The following BPIFB1 variants were observed in gnomAD, a reference collection of about 807,000 sequenced individuals.
The protein encoded by BPIFB1 is BPI fold-containing family B member 1.
In BPIFB1, 34 loss-of-function variants were observed where a neutral mutation model predicts 55.1. That is an observed-to-expected ratio of 0.62 (90% CI 0.47 to 0.82). BPIFB1 has a LOEUF of 0.82. Ranked by LOEUF, BPIFB1 falls within the 40% of genes least tolerant of loss-of-function variation. The probability of loss-of-function intolerance (pLI) is 0.00; values close to 1 mark genes in which losing one functional copy is unlikely to be tolerated. For synonymous variants in BPIFB1, 236 were observed against 245.3 expected (o/e 0.96, Z 0.35); for missense variants, 532 against 593.1 (o/e 0.90, Z 1.07).
At chr20:33,291,881 G>A (rs1440581173) in intron 5 of BPIFB1, 26 bp from the exon 6 acceptor site, 3 of 1,601,446 alleles carry the variant, frequency 1.9e-6, no homozygotes, top group Non-Finnish European at 1.7e-6. Flanking sequence ...CCTTCCTAAT[G>A]TCTCTCGTGC....
At chr20:33,283,723 C>A (rs943108003) in intron 1 of BPIFB1, among the ~76,000 whole-genome samples, 2 of 151,822 alleles carry the variant, frequency 1.3e-5, no homozygotes, top group Non-Finnish European at 2.9e-5. Flanking sequence ...GGCGATTGGG[C>A]AAAGGAGGAG....
chr20:33,290,021 G>A (rs4507167), intron 4 of BPIFB1, 29 bp downstream of exon 4: 3 of 1,534,612 alleles, frequency 2.0e-6, no homozygotes, highest in African/African-American at 2.7e-5. Flanking sequence ...AAGTACAGTA[G>A]GCTTGACAGG....
rs1479117263 is a variant in BPIFB1 at position 33,288,874 on chromosome 20, C to T, written c.249C>T (p.His83=). 6.2e-6 allele frequency: 10 copies of T among 1,613,246 alleles called. No homozygotes were observed. Among genetic ancestry groups the T allele is most frequent in the African/African-American group, 1.3e-5 (1 of 74,920 alleles). Residue 83 remains histidine, a synonymous_variant, in exon 3 of 16, where the codon CAC becomes CAT. Coordinates refer to ENST00000253354, the MANE Select transcript of BPIFB1 (RefSeq NM_033197.3). ...GCCTGGTGAACACCGTCCTGAAGCACATCATCTGGTGAGTGGAGCAGGACC... is the reference window on the plus strand; with the variant it reads ...GCCTGGTGAACACCGTCCTGAAGCATATCATCTGGTGAGTGGAGCAGGACC... ...LGSLVNTVLK[H]IIWLKVITAN... is the part of the protein sequence containing the mutation.
In BPIFB1 at chr20:33,286,201, C is replaced by T; in HGVS notation, c.115+13C>T. On this transcript the variant is annotated intron_variant, in intron 2 of 15. Transcript: ENST00000253354. Reference sequence around the variant, plus strand: ...GTCATCAAAGAAAGTAAGTTTTGTCCCTCCGGAGCTGGCTGCCATAAGACA... The same window carrying T: ...GTCATCAAAGAAAGTAAGTTTTGTCTCTCCGGAGCTGGCTGCCATAAGACA... 2 of 1,611,978 alleles carry T rather than the reference C, an allele frequency of 1.2e-6. No individual in the cohort carries two copies. The highest frequency in any genetic ancestry group is 4.5e-5 in the East Asian group (2 of 44,870).
chr20:33,304,173 C>A, intron 12 of BPIFB1, 148 bp downstream of exon 12: 1 of 693,770 alleles, frequency 1.4e-6, no homozygotes, highest in South Asian at 1.7e-5. Flanking sequence ...CTCCTGCTGA[C>A]AAGGACTGCA....
chr20:33,285,304 G>A (rs1372436240), intron 1 of BPIFB1, among the ~76,000 whole-genome samples: 2 of 152,090 alleles, frequency 1.3e-5, no homozygotes, highest in Non-Finnish European at 2.9e-5. Flanking sequence ...AAAGCAGGAG[G>A]TGAGGTCAGC....
intron 6 of BPIFB1, among the ~76,000 whole-genome samples, chr20:33,292,478 C>T (rs1247256329): frequency 6.6e-6 from 1 of 151,998 alleles, no homozygotes. Context: ...GGAAGCAATG[C>T]GTTTTAAATT....
intron 15 of BPIFB1, among the ~76,000 whole-genome samples, chr20:33,308,786 CACAT>C (rs1158477942): frequency 2.0e-5 from 3 of 148,868 alleles, no homozygotes; most frequent in South Asian, 2.1e-4. Context: ...TACACACACA[CACAT>C]AATACACACA....
chr20:33,292,068 A>G, intron 6 of BPIFB1, 80 bp downstream of exon 6: 1 of 1,245,248 alleles, frequency 8.0e-7, no homozygotes, highest in Non-Finnish European at 1.2e-6. Context: ...GTTGGTGCTA[A>G]GTGACTGGAG....
In BPIFB1 at chr20:33,302,848, CCA is replaced by C. The variant is rs148318398; in HGVS notation, c.982-61_982-60del. On this transcript the variant is annotated intron_variant, in intron 10 of 15. Coordinates refer to ENST00000253354, the MANE Select transcript of BPIFB1 (RefSeq NM_033197.3). ...CCCAGGAAGGCAGGCAGGGGCCAGG[CCA>C]CACACAGAGCCTGTGGGCCATGGTG... 6,511 of 1,578,696 alleles carry C rather than the reference CCA, an allele frequency of 4.1e-3. 246 individuals carry two copies. In the African/African-American group the frequency reaches 0.077, roughly 19 times the overall value.
chr20:33,297,419 G>A (rs1980688736), intron 6 of BPIFB1, 106 bp from the exon 7 acceptor site: 1 of 1,240,120 alleles, frequency 8.1e-7, no homozygotes, highest in Non-Finnish European at 1.2e-6. Flanking sequence ...CTGGCCATGG[G>A]CACAGCAGTA....
intron 6 of BPIFB1, among the ~76,000 whole-genome samples, chr20:33,296,946 T>C (rs1980672560): frequency 6.6e-6 from 1 of 152,230 alleles, no homozygotes; most frequent in Non-Finnish European, 1.5e-5. Context: ...TCTTTTAAAG[T>C]AGAGTCTTGC....
Position 33,306,023 on chromosome 20 carries a change from A to G in BPIFB1, c.1276A>G (p.Ile426Val). The change falls in exon 14 of 16, where the codon ATC becomes GTC. Residue 426 changes from isoleucine to valine, a missense_variant. Transcript: ENST00000253354. ...WFQPDVLKNI[I>V]TEIIHSILLP... Reference sequence around the variant, plus strand: ...ACAGCCTGATGTTCTGAAAAACATCATCACTGAGATCATCCACTCCATCCT... The same window carrying G: ...ACAGCCTGATGTTCTGAAAAACATCGTCACTGAGATCATCCACTCCATCCT... The G allele has an allele frequency of 6.2e-7, 1 of 1,614,148 alleles. No homozygotes were observed. Among genetic ancestry groups the G allele is most frequent in the Non-Finnish European group, 8.5e-7 (1 of 1,180,018 alleles).
intron 7 of BPIFB1, chr20:33,299,336 C>A (rs935766421): frequency 2.7e-6 from 1 of 374,970 alleles, no homozygotes; most frequent in African/African-American, 2.4e-5. Context: ...CTGACGCGAA[C>A]ACGAGATCTT....
rs918361920 is a variant in BPIFB1, at chr20:33,293,497, A to T, written c.597+1509A>T. Among the ~76,000 whole-genome samples, 22 of 152,306 alleles carry T rather than the reference A, an allele frequency of 1.4e-4. No individual in the cohort carries two copies. The East Asian group carries it at 1.5e-3, about 11-fold the overall frequency. ...ATTCCAGCAAATCCTTTTTTAAATAATGTGATTTTATTAAGAGTACTTTAA... is the reference window on the plus strand; with the variant it reads ...ATTCCAGCAAATCCTTTTTTAAATATTGTGATTTTATTAAGAGTACTTTAA... On this transcript the variant is annotated intron_variant, in intron 6 of 15. Transcript: ENST00000253354.
chr20:33,297,460 C>T (rs1041534992), intron 6 of BPIFB1, 65 bp from the exon 7 acceptor site: 31 of 1,560,612 alleles, frequency 2.0e-5, no homozygotes, highest in Admixed American at 8.4e-5. Context: ...GGGCACAGCC[C>T]GGGGCTGCTG....
Position 33,304,000 on chromosome 20 carries a change from C to T in BPIFB1, c.1183C>T (p.Leu395Phe), listed in dbSNP as rs1343425835. The T allele has an allele frequency of 6.2e-7, 1 of 1,613,514 alleles. No homozygotes were observed. The highest frequency in any genetic ancestry group is 2.2e-5 in the East Asian group (1 of 44,890). The change falls in exon 12 of 16, where the codon CTT becomes TTT. Residue 395 changes from leucine to phenylalanine, a missense_variant. Coordinates refer to ENST00000253354, the MANE Select transcript of BPIFB1 (RefSeq NM_033197.3). ...TCAGTTTTACACCAAAGGTGACCAA[C>T]TTATACTCAACTTGAATAACATCAG... ...EAQFYTKGDQ[L>F]ILNLNNISSD...
intron 10 of BPIFB1, chr20:33,302,647 T>A: frequency 1.6e-6 from 1 of 630,936 alleles, no homozygotes; most frequent in Non-Finnish European, 2.8e-6. Context: ...CTAGGGGCCA[T>A]GAGAACACTC....
chr20:33,291,565 C>T (rs1211522945), intron 5 of BPIFB1, among the ~76,000 whole-genome samples: 1 of 152,242 alleles, frequency 6.6e-6, no homozygotes, highest in African/African-American at 2.4e-5. Flanking sequence ...GATCAGACAA[C>T]AGCCATCAAG....
Sources: allele counts gnomAD v4.1 joint callset (sites outside exome capture counted in the v4.1 genomes callset), GRCh38; gene constraint gnomAD v4.1.1; transcripts MANE v1.5; gene names NCBI Gene and HGNC (gene_info 2026-07-23, HGNC 2026-07-21).